Variants in ZNF41 observed in about 807,000 individuals in gnomAD.
ZNF41 encodes the protein zinc finger protein 41.
ZNF41 carries 6 observed loss-of-function variants against 9.3 expected under a neutral mutation model. The ratio of observed to expected loss-of-function variants is 0.65; its 90% CI spans 0.35 to 1.28. The LOEUF (loss-of-function observed/expected upper bound fraction) is 1.28, where lower values mean the gene tolerates loss of function less well. ZNF41 is among the 50% of genes most tolerant of loss of function. The pLI is 0.03. For synonymous variants in ZNF41, 192 were observed against 207.1 expected, an observed-to-expected ratio of 0.93 and a Z score of 0.63; for missense variants, 523 against 585.8, an observed-to-expected ratio of 0.89 and a Z score of 1.11.
At chrX:47,476,459 T>G (rs1431446785) in intron 1 of ZNF41, among the ~76,000 whole-genome samples, 1 of 111,882 alleles carries the variant, frequency 8.9e-6, no homozygotes. Context: ...TCTAGAGAAC[T>G]CTTACAACTT....
rs1392131472 is a variant in ZNF41, at chrX:47,449,461, C to A, written c.309G>T (p.Gly103=). The A allele has an allele frequency of 8.3e-7, 1 of 1,205,955 alleles. No individual in the cohort carries two copies. ...PHQSCSGEAI[G]KMQQQGIPGG... is the part of the protein sequence containing the mutation. ...CAGGAATTCCCTGTTGCTGCATTTT[C>A]CCAATAGCCTCACCTAAAAAGAAAA... The change falls in exon 5 of 5, where the codon GGG becomes GGT. Residue 103 remains glycine (G), a synonymous_variant. Coordinates refer to ENST00000684689, the MANE Select transcript of ZNF41 (RefSeq NM_001324144.2).
At chrX:47,451,982 A>T (rs1460086731) in intron 4 of ZNF41, among the ~76,000 whole-genome samples, 5 of 112,298 alleles carry the variant, frequency 4.5e-5, no homozygotes, top group Non-Finnish European at 9.4e-5. Context: ...GATCTCTTTA[A>T]ATATTTTTTT....
At chrX:47,470,632 C>T (rs1376623985) in intron 1 of ZNF41, among the ~76,000 whole-genome samples, 2 of 105,562 alleles carry the variant, frequency 1.9e-5, no homozygotes. Flanking sequence ...GAGGCTAAGG[C>T]GTGAGAATCG....
At chrX:47,472,834 T>C (rs1176863860) in intron 1 of ZNF41, among the ~76,000 whole-genome samples, 2 of 109,963 alleles carry the variant, frequency 1.8e-5, no homozygotes, top group Non-Finnish European at 3.8e-5. Context: ...GCAATTCTCC[T>C]GCCTCAGCCT....
At chrX:47,475,375 T>A (rs898316336) in intron 1 of ZNF41, among the ~76,000 whole-genome samples, 1 of 109,882 alleles carries the variant, frequency 9.1e-6, no homozygotes, top group Non-Finnish European at 1.9e-5. Context: ...TCAGAGAAAA[T>A]AAAATAGTTA....
chrX:47,467,541 T>C lies in ZNF41; in HGVS notation c.-60A>G. The C allele has an allele frequency of 2.6e-6, 3 of 1,153,362 alleles. No individual in the cohort carries two copies. The South Asian group carries it at 5.7e-5, about 22-fold the overall frequency. ...CTGACAACCCCACTCTTCCCCAAGC[T>C]GGAAGCTGAGCTGGCATCTGTGGAC... On this transcript the variant is annotated 5_prime_UTR_variant, in exon 2 of 5. Coordinates refer to ENST00000684689, the MANE Select transcript of ZNF41 (RefSeq NM_001324144.2).
rs1337723215 is a variant in ZNF41 at position 47,471,022 on chromosome X, A to G, written c.-279-3262T>C. Among the ~76,000 whole-genome samples the G allele has an allele frequency of 3.9e-4, 44 of 111,475 alleles. No individual in the cohort carries two copies. In the Admixed American group the frequency reaches 4.2e-3, roughly 11 times the overall value. ...CCTTCACCTACCTCAGGGTCATGTA[A>G]AAGTTTTATCATTTTAGCTTTCACA... On this transcript the variant is annotated intron_variant, in intron 1 of 4. Coordinates refer to ENST00000684689, the MANE Select transcript of ZNF41 (RefSeq NM_001324144.2).
At chrX:47,462,992 CAT>C (rs1275204523) in intron 2 of ZNF41, among the ~76,000 whole-genome samples, 7 of 108,109 alleles carry the variant, frequency 6.5e-5, no homozygotes, top group Admixed American at 2.0e-4. Context: ...CACACACACA[CAT>C]ACACACACAT....
intron 2 of ZNF41, among the ~76,000 whole-genome samples, chrX:47,467,095 C>T (rs2057016223): frequency 9.0e-6 from 1 of 111,410 alleles, no homozygotes; most frequent in Non-Finnish European, 1.9e-5. Flanking sequence ...TCTACCTGGA[C>T]CTCACCCTCA....
intron 1 of ZNF41, among the ~76,000 whole-genome samples, chrX:47,477,617 C>CCAG (rs1280751527): frequency 8.9e-6 from 1 of 112,523 alleles, no homozygotes. Flanking sequence ...CTTAAGTATT[C>CCAG]TTTGTCCAAT....
intron 1 of ZNF41, among the ~76,000 whole-genome samples, chrX:47,477,963 T>C (rs1284340976): frequency 2.7e-5 from 3 of 112,790 alleles, no homozygotes; most frequent in African/African-American, 9.7e-5. Flanking sequence ...CATCGACTGA[T>C]GAATGGATAA....
intron 2 of ZNF41, among the ~76,000 whole-genome samples, chrX:47,463,107 C>G (rs372804954): frequency 7.3e-5 from 8 of 109,969 alleles, no homozygotes; most frequent in African/African-American, 2.3e-4. Context: ...ATTACAGGTG[C>G]GAACCACCGT....
chrX:47,454,297 T>C (rs1390295619), intron 4 of ZNF41, among the ~76,000 whole-genome samples: 1 of 110,231 alleles, frequency 9.1e-6, no homozygotes, highest in African/African-American at 3.3e-5. Context: ...AGGTAAATCA[T>C]GAAATGTCCA....
In ZNF41 at chrX:47,447,568, T is replaced by C. The variant is rs371478847; in HGVS notation, c.2202A>G (p.Leu734=). The change falls in exon 5 of 5, where the codon CTA becomes CTG. Residue 734 remains leucine, a synonymous_variant. Transcript: ENST00000684689. ...CGKAFIQKAT[L]SMHQIIHTGK... ...CTGTATGAATTATCTGATGCATACTTAGTGTGGCTTTCTGGATGAAAGCTT... is the reference window on the plus strand; with the variant it reads ...CTGTATGAATTATCTGATGCATACTCAGTGTGGCTTTCTGGATGAAAGCTT... The C allele has an allele frequency of 5.8e-6, 7 of 1,210,510 alleles. No homozygotes were observed. The highest frequency in any genetic ancestry group is 6.7e-6 in the Non-Finnish European group (6 of 895,381).
At chrX:47,464,317 C>T (rs2056914039) in intron 2 of ZNF41, among the ~76,000 whole-genome samples, 1 of 110,978 alleles carries the variant, frequency 9.0e-6, no homozygotes, top group African/African-American at 3.3e-5. Context: ...TTCTTCATCT[C>T]TAGTAAGTGC....
intron 2 of ZNF41, among the ~76,000 whole-genome samples, chrX:47,461,628 T>C (rs2147662112): frequency 9.0e-6 from 1 of 110,966 alleles, no homozygotes; most frequent in East Asian, 2.8e-4. Context: ...CAGGCTCATC[T>C]AGAATTCCTG....
At chrX:47,482,302 C>T (rs926698257) in intron 1 of ZNF41, among the ~76,000 whole-genome samples, 2 of 111,130 alleles carry the variant, frequency 1.8e-5, no homozygotes, top group Non-Finnish European at 3.8e-5. Context: ...CTATAAATGA[C>T]CCCAGAGAAG....
chrX:47,455,858 G>T, intron 4 of ZNF41, 63 bp downstream of exon 4: 1 of 1,047,082 alleles, frequency 9.6e-7, no homozygotes, highest in Non-Finnish European at 1.3e-6. Flanking sequence ...AAGGCATCGG[G>T]CTTTCCTAGG....
chrX:47,462,910 G>GTATATATATA lies in ZNF41; in HGVS notation c.72+4490_72+4499dup, dbSNP rs61273021. Among the ~76,000 whole-genome samples, 194 of 92,739 alleles carry GTATATATATA rather than the reference G, an allele frequency of 2.1e-3. 2 individuals are homozygous for GTATATATATA. Among genetic ancestry groups the GTATATATATA allele is most frequent in the African/African-American group, 3.1e-3 (76 of 24,841 alleles). The allele number at this position is 92,739 out of a possible 115,157, so 80.5% of individuals were successfully genotyped here. A position where few individuals can be genotyped will look rare whatever the true frequency, so the allele number is the denominator to read the frequency against. On this transcript the variant is annotated intron_variant, in intron 2 of 4. Transcript: ENST00000684689. The stretch of plus-strand genomic sequence containing the variant: ...TACCCGGCTGATTTTTTTTTTGTAT[G>GTATATATATA]TATATATATATATATATCACACACA...
Sources: allele counts gnomAD v4.1 joint callset (sites outside exome capture counted in the v4.1 genomes callset), GRCh38; gene constraint gnomAD v4.1.1; transcripts MANE v1.5; gene names NCBI Gene and HGNC (gene_info 2026-07-23, HGNC 2026-07-21).